The following CBLN2 variants were observed in gnomAD, a reference collection of about 807,000 sequenced individuals.
CBLN2 encodes the protein cerebellin 2 precursor.
Under a neutral mutation model 15.0 loss-of-function variants are expected in CBLN2, and 7 were observed. The observed-to-expected ratio is 0.47, with a 90% CI of 0.27 to 0.88. The LOEUF is 0.88. Among genes scored for constraint, CBLN2 ranks in the 40% least tolerant of loss-of-function variants. CBLN2 has a pLI of 0.14. For missense variants in CBLN2, 242 were observed against 304.5 expected, an observed-to-expected ratio of 0.79 and a Z score of 1.53; for synonymous variants, 149 against 135.2, an observed-to-expected ratio of 1.10 and a Z score of -0.71.
chr18:72,610,216 C>T (rs748181399), intron 1 of CBLN2, among the ~76,000 whole-genome samples: 10 of 152,114 alleles, frequency 6.6e-5, no homozygotes, highest in African/African-American at 2.4e-4. Context: ...CTCCTCTCCC[C>T]CATCTCTCTT....
chr18:72,549,491 A>G (rs1343550977), intron 1 of CBLN2, among the ~76,000 whole-genome samples: 1 of 152,234 alleles, frequency 6.6e-6, no homozygotes, highest in Non-Finnish European at 1.5e-5. Context: ...TTAAACTCAC[A>G]TCAGAAAATG....
Position 72,542,100 on chromosome 18 carries a change from C to G in CBLN2, c.61G>C (p.Ala21Pro), listed in dbSNP as rs750605013. The G allele has an allele frequency of 2.7e-6, 4 of 1,460,564 alleles. No individual in the cohort carries two copies. The highest frequency in any genetic ancestry group is 2.5e-5 in the Admixed American group (1 of 39,328). 90.5% of individuals were successfully genotyped at this position (1,460,564 alleles called of 1,614,324 possible). A position where few individuals can be genotyped will look rare whatever the true frequency, so the allele number is the denominator to read the frequency against. The change falls in exon 3 of 5, where the codon GCG (alanine) becomes CCG (proline). Residue 21 changes from alanine (A) to proline (P), a missense_variant. Physicochemically the swap from Ala to Pro is conservative, Grantham distance 27. Transcript: ENST00000269503. ...LRLMMPGRRG[A>P]LREPGGCGSC... ...CCGCAGCCGCCCGGCTCGCGCAGCGCCCCCCGGCGCCCGGGCATCATCAGC... is the reference window on the plus strand; with the variant it reads ...CCGCAGCCGCCCGGCTCGCGCAGCGGCCCCCGGCGCCCGGGCATCATCAGC...
chr18:72,568,850 A>T (rs2069312972), intron 1 of CBLN2, among the ~76,000 whole-genome samples: 3 of 152,224 alleles, frequency 2.0e-5, no homozygotes, highest in Admixed American at 6.5e-5. Context: ...ATTTAAGAAA[A>T]TGTATATTAG....
At chr18:72,615,892 G>A (rs777221913) in intron 1 of CBLN2, among the ~76,000 whole-genome samples, 22 of 152,094 alleles carry the variant, frequency 1.4e-4, no homozygotes, top group Admixed American at 6.6e-4. Flanking sequence ...ACTTGTATTA[G>A]TTTTTAAATA....
At chr18:72,541,152 A>G (rs1040334130) in intron 3 of CBLN2, among the ~76,000 whole-genome samples, 5 of 152,198 alleles carry the variant, frequency 3.3e-5, no homozygotes, top group African/African-American at 9.7e-5. Context: ...AAAAATTTGT[A>G]CCAACACACT....
chr18:72,571,157 G>A (rs1372216891), intron 1 of CBLN2, among the ~76,000 whole-genome samples: 1 of 152,086 alleles, frequency 6.6e-6, no homozygotes, highest in Non-Finnish European at 1.5e-5. Flanking sequence ...AAGAGAAAGT[G>A]AAGCATAATT....
Position 72,576,715 on chromosome 18 carries a change from T to C in CBLN2, c.16-37943A>G, listed in dbSNP as rs538976753. On this transcript the variant is annotated intron_variant, in intron 1 of 2. Transcript: ENST00000581073. The stretch of plus-strand genomic sequence containing the variant: ...GATATGAGAGCAGAAAAATAAATAC[T>C]AAAGGGTTTTTTAAAGGATATTTTA... Among the ~76,000 whole-genome samples the C allele has an allele frequency of 3.3e-4, 50 of 152,044 alleles. No individual in the cohort carries two copies. In the South Asian group the frequency reaches 1.0e-2, roughly 30 times the overall value.
At chr18:72,583,609 T>C (rs1470973467) in intron 1 of CBLN2, among the ~76,000 whole-genome samples, 1 of 152,232 alleles carries the variant, frequency 6.6e-6, no homozygotes, top group Admixed American at 6.5e-5. Context: ...TTTTGACATT[T>C]ATTCTTTTTA....
rs961344635 is a variant in CBLN2 at position 72,536,725 on chromosome 18, T to C, written c.*1451A>G. The C allele has an allele frequency of 3.3e-5, 5 of 152,642 alleles. No individual in the cohort carries two copies. Among genetic ancestry groups the C allele is most frequent in the African/African-American group, 9.6e-5 (4 of 41,462 alleles). The allele number at this position is 152,642 out of a possible 1,614,324, so 9.5% of individuals were successfully genotyped here. A position where few individuals can be genotyped will look rare whatever the true frequency, so the allele number is the denominator to read the frequency against. On this transcript the variant is annotated 3_prime_UTR_variant, in exon 5 of 5. Transcript: ENST00000269503. The stretch of plus-strand genomic sequence containing the variant: ...ATTCTGAATCTTAAATTATGACTTT[T>C]ATCATCAATATTTTGGTTACATTGT...
chr18:72,636,949 G>A (rs1224731210), intron 1 of CBLN2, among the ~76,000 whole-genome samples: 2 of 146,996 alleles, frequency 1.4e-5, no homozygotes, highest in African/African-American at 5.1e-5. Flanking sequence ...TCATGCAGAA[G>A]CTCAATACAC....
Position 72,558,138 on chromosome 18 carries a change from T to C in CBLN2, c.16-19366A>G, listed in dbSNP as rs72634434. 0.03 allele frequency among the ~76,000 whole-genome samples: 4,510 copies of C among 152,216 alleles called. 625 individuals carry two copies. In the East Asian group the frequency reaches 0.47, roughly 16 times the overall value. On this transcript the variant is annotated intron_variant, in intron 1 of 2. Coordinates refer to the CBLN2 transcript ENST00000581073. ...ACTTTTAAAATCCTCCTAGAGAGGA[T>C]CTATGCTGACCATGTGACTTAGTGT... is the stretch of plus-strand genomic sequence containing the variant.
intron 1 of CBLN2, among the ~76,000 whole-genome samples, chr18:72,553,492 A>ATAGG (rs1281966253): frequency 1.4e-5 from 2 of 142,246 alleles, no homozygotes; most frequent in Non-Finnish European, 3.1e-5. Context: ...AGATAGATAG[A>ATAGG]TAGATAGATA....
intron 3 of CBLN2, 101 bp from the exon 4 acceptor site, chr18:72,538,873 G>T: frequency 1.4e-6 from 2 of 1,466,718 alleles, no homozygotes; most frequent in Middle Eastern, 1.8e-4. Flanking sequence ...CTTCATCAGC[G>T]GCTGGGAACA....
intron 1 of CBLN2, among the ~76,000 whole-genome samples, chr18:72,611,665 G>A (rs540141101): frequency 6.6e-6 from 1 of 152,130 alleles, no homozygotes; most frequent in Non-Finnish European, 1.5e-5. Context: ...TGCATAGTTT[G>A]CAAATATTTT....
rs1301071779 is a variant in CBLN2, at chr18:72,538,221, G to GC, written c.629dup (p.Trp211LeufsTer59). The GC allele has an allele frequency of 6.2e-7, 1 of 1,613,908 alleles. No individual in the cohort carries two copies. The highest frequency in any genetic ancestry group is 8.5e-7 in the Non-Finnish European group (1 of 1,180,012). On this transcript the variant is annotated frameshift_variant, in exon 5 of 5. Coordinates refer to ENST00000269503, the MANE Select transcript of CBLN2 (RefSeq NM_182511.4). LOFTEE classifies it high-confidence loss of function. ...AGCCCGAGAATGTGGAGTATTTCCA[G>GC]CCCCCCATGAGGTTGCCTCTCTCAA...
At chr18:72,551,020 T>C (rs1034807287) in intron 1 of CBLN2, among the ~76,000 whole-genome samples, 5 of 152,090 alleles carry the variant, frequency 3.3e-5, no homozygotes, top group Non-Finnish European at 7.4e-5. Flanking sequence ...CACATATACA[T>C]GTCTTTCACA....
upstream of CBLN2, chr18:72,544,641 TG>T (rs2069145550): frequency 6.6e-6 from 1 of 152,254 alleles, no homozygotes; most frequent in South Asian, 2.1e-4. Flanking sequence ...ATAATAATAA[TG>T]ATAGCAACCA....
intron 1 of CBLN2, among the ~76,000 whole-genome samples, chr18:72,633,355 GGACCA>G (rs1456037008): frequency 6.6e-6 from 1 of 152,114 alleles, no homozygotes; most frequent in Admixed American, 6.6e-5. Context: ...ACTATTCCTA[GGACCA>G]GAGCCCTGTG....
At position 72,538,369 on chromosome 18, in the gene CBLN2, C is replaced by T; in HGVS notation, c.482G>A (p.Ser161Asn). ...CACTGGGTAGCCATTCTGCATTAAA[C>T]TGACCTAAAATGCAGAGAGTAGAGC... Reference protein sequence around the residue: ...KVYNRQTIQVSLMQNGYPVIS... With the variant: ...KVYNRQTIQVNLMQNGYPVIS... Residue 161 changes from serine to asparagine, a missense_variant, in exon 5 of 5, where the codon AGT becomes AAT. By Grantham distance (46) the Ser-to-Asn change is conservative (BLOSUM62 1). This residue lies in a region of CBLN2 where 26 missense variants were observed against 70.3 expected (regional missense o/e 0.37). Coordinates refer to ENST00000269503, the MANE Select transcript of CBLN2 (RefSeq NM_182511.4). 1.2e-6 allele frequency: 2 copies of T among 1,614,148 alleles called. No homozygotes were observed. Among genetic ancestry groups the T allele is most frequent in the Non-Finnish European group, 8.5e-7 (1 of 1,180,020 alleles).
Sources: allele counts gnomAD v4.1 joint callset (sites outside exome capture counted in the v4.1 genomes callset), GRCh38; gene constraint gnomAD v4.1.1; regional missense constraint gnomAD v4.1.1; transcripts MANE v1.5; gene names NCBI Gene and HGNC (gene_info 2026-07-23, HGNC 2026-07-21).